GLIS1: variants seen among roughly 807,000 people sequenced by gnomAD.
The protein encoded by GLIS1 is zinc finger protein GLIS1.
Under a neutral mutation model 63.8 loss-of-function variants are expected in GLIS1, and 24 were observed. The observed-to-expected ratio is 0.38, with a 90% CI of 0.27 to 0.53. The LOEUF is 0.53. Ranked by LOEUF, GLIS1 falls within the 20% of genes least tolerant of loss-of-function variation. The pLI, the probability that GLIS1 is intolerant of heterozygous loss-of-function variation, is 0.85. For missense variants in GLIS1, 1,036 were observed against 1,074.1 expected, an observed-to-expected ratio of 0.96 and a Z score of 0.50; for synonymous variants, 450 against 482.5, an observed-to-expected ratio of 0.93 and a Z score of 0.88.
intron 7 of GLIS1, among the ~76,000 whole-genome samples, chr1:53,520,261 C>T (rs970912826): frequency 1.3e-5 from 2 of 151,928 alleles, no homozygotes; most frequent in Admixed American, 6.6e-5. Context: ...GTCCGGGGGT[C>T]GGGGGGAGCA....
intron 2 of GLIS1, among the ~76,000 whole-genome samples, chr1:53,607,588 G>T (rs1645383437): frequency 6.6e-6 from 1 of 152,190 alleles, no homozygotes; most frequent in Admixed American, 6.5e-5. Context: ...ACTTGCCCAA[G>T]GTCATGCAGC....
intron 2 of GLIS1, among the ~76,000 whole-genome samples, chr1:53,621,263 C>T (rs940823880): frequency 4.6e-5 from 7 of 152,238 alleles, no homozygotes. Context: ...GTATCCCCCC[C>T]AAGTCTCCCC....
At chr1:53,528,966 C>G (rs1644499955) in intron 5 of GLIS1, among the ~76,000 whole-genome samples, 2 of 152,134 alleles carry the variant, frequency 1.3e-5, no homozygotes, top group African/African-American at 4.8e-5. Flanking sequence ...GTGTAAGGCC[C>G]TGGTCTGAGT....
chr1:53,630,748 C>T (rs1396527928), intron 2 of GLIS1, among the ~76,000 whole-genome samples: 6 of 152,216 alleles, frequency 3.9e-5, no homozygotes, highest in African/African-American at 1.2e-4. Flanking sequence ...CCACCCGCCT[C>T]GGCCTCCCAA....
chr1:53,640,602 G>A (rs1193737458), intron 2 of GLIS1, among the ~76,000 whole-genome samples: 2 of 152,180 alleles, frequency 1.3e-5, no homozygotes, highest in African/African-American at 4.8e-5. Context: ...CCTGCTATGT[G>A]CTGGCCCCTC....
chr1:53,518,060 C>G (rs1202052411), intron 7 of GLIS1, among the ~76,000 whole-genome samples: 1 of 152,248 alleles, frequency 6.6e-6, no homozygotes, highest in Non-Finnish European at 1.5e-5. Context: ...ACCTCTGGCC[C>G]TAACATCTGT....
rs147549154 is a variant in GLIS1, at chr1:53,519,155, C to G, written c.1726+1479G>C. 2.6e-3 allele frequency among the ~76,000 whole-genome samples: 401 copies of G among 152,280 alleles called. 1 individual carries two copies. Among genetic ancestry groups the G allele is most frequent in the African/African-American group, 9.2e-3 (384 of 41,554 alleles). On this transcript the variant is annotated intron_variant, in intron 7 of 10. Transcript: ENST00000628545. The stretch of plus-strand genomic sequence containing the variant: ...ACCTTCGTCCCTGGGTTGGATGAGC[C>G]CCCCGGTCCCTTCCAGCCCTGCCAT...
intron 4 of GLIS1, among the ~76,000 whole-genome samples, chr1:53,546,963 GAC>G (rs547103927): frequency 2.0e-3 from 299 of 152,264 alleles, no homozygotes; most frequent in African/African-American, 6.7e-3. Context: ...ATGGAAGGCT[GAC>G]ACAGAATGGA....
At chr1:53,636,527 A>G (rs193070671) in intron 2 of GLIS1, among the ~76,000 whole-genome samples, 2 of 152,342 alleles carry the variant, frequency 1.3e-5, no homozygotes, top group Non-Finnish European at 2.9e-5. Flanking sequence ...TGCTGAATAG[A>G]TATTGGAAGC....
chr1:53,578,561 C>A (rs1645054880), intron 4 of GLIS1, among the ~76,000 whole-genome samples: 1 of 152,202 alleles, frequency 6.6e-6, no homozygotes, highest in Admixed American at 6.5e-5. Context: ...GCCCCCAGCA[C>A]ACAAGCTGGC....
intron 4 of GLIS1, among the ~76,000 whole-genome samples, chr1:53,570,372 C>T (rs1441473355): frequency 6.6e-6 from 1 of 152,064 alleles, no homozygotes; most frequent in Non-Finnish European, 1.5e-5. Context: ...TCCTCCCACC[C>T]CAGTCTCACA....
intron 2 of GLIS1, among the ~76,000 whole-genome samples, chr1:53,638,279 T>C (rs1014646932): frequency 6.6e-6 from 1 of 152,212 alleles, no homozygotes; most frequent in Non-Finnish European, 1.5e-5. Flanking sequence ...CAGGCCCGCA[T>C]GGTGCTGGAT....
intron 5 of GLIS1, among the ~76,000 whole-genome samples, 195 bp from the exon 6 acceptor site, chr1:53,525,082 TCCA>T (rs1476252718): frequency 1.3e-5 from 2 of 152,114 alleles, no homozygotes; most frequent in Non-Finnish European, 2.9e-5. Flanking sequence ...GTGTCTTCAT[TCCA>T]CCACCATCCT....
intron 2 of GLIS1, among the ~76,000 whole-genome samples, chr1:53,650,865 G>A (rs1645899727): frequency 6.6e-6 from 1 of 152,180 alleles, no homozygotes; most frequent in South Asian, 2.1e-4. Context: ...GCTGGCACTG[G>A]CCTAATTAGT....
At chr1:53,529,429 G>A (rs1483104846) in intron 5 of GLIS1, among the ~76,000 whole-genome samples, 1 of 152,208 alleles carries the variant, frequency 6.6e-6, no homozygotes, top group Non-Finnish European at 1.5e-5. Flanking sequence ...GAAGGCGAAT[G>A]TGCTCTCTCC....
chr1:53,730,816 T>C (rs893875129), intron 2 of GLIS1, among the ~76,000 whole-genome samples: 2 of 152,118 alleles, frequency 1.3e-5, no homozygotes, highest in Non-Finnish European at 2.9e-5. Context: ...TTACCTTCCA[T>C]AGGGGGGGTC....
At chr1:53,551,764 T>C (rs1044884872) in intron 4 of GLIS1, among the ~76,000 whole-genome samples, 6 of 152,166 alleles carry the variant, frequency 3.9e-5, no homozygotes, top group Admixed American at 2.0e-4. Flanking sequence ...GTGTCAGGGC[T>C]CAAACCCTGC....
At chr1:53,734,807 T>C (rs527980647) in intron 2 of GLIS1, among the ~76,000 whole-genome samples, 235 of 152,350 alleles carry the variant, frequency 1.5e-3, no homozygotes, top group African/African-American at 5.4e-3. Flanking sequence ...TTTACCTTCT[T>C]TCCTTGTCAG....
At chr1:53,524,156 CT>C (rs1644439407) in intron 6 of GLIS1, among the ~76,000 whole-genome samples, 1 of 152,266 alleles carries the variant, frequency 6.6e-6, no homozygotes. Context: ...CCTCTGATGG[CT>C]GAGGAACCTG....
Sources: allele counts gnomAD v4.1 joint callset (sites outside exome capture counted in the v4.1 genomes callset), GRCh38; gene constraint gnomAD v4.1.1; transcripts MANE v1.5; gene names NCBI Gene and HGNC (gene_info 2026-07-23, HGNC 2026-07-21).